LOXL2: variants seen among roughly 807,000 people sequenced by gnomAD.
LOXL2 encodes lysyl oxidase homolog 2.
LOXL2 carries 70 observed loss-of-function variants against 93.0 expected under a neutral mutation model. That is an observed-to-expected ratio of 0.75 (90% CI 0.62 to 0.92). The LOEUF is 0.92. LOXL2 is among the 40% of genes least tolerant of loss of function. The probability of loss-of-function intolerance (pLI) is 0.00; values close to 1 mark genes in which losing one functional copy is unlikely to be tolerated. For synonymous variants in LOXL2, 438 were observed against 413.2 expected, an observed-to-expected ratio of 1.06 and a Z score of -0.73; for missense variants, 973 against 1,054.9, an observed-to-expected ratio of 0.92 and a Z score of 1.08.
chr8:23,305,806 C>CT (rs1258365253), intron 10 of LOXL2, among the ~76,000 whole-genome samples: 2 of 142,742 alleles, frequency 1.4e-5, no homozygotes, highest in Non-Finnish European at 3.1e-5. Context: ...GAGCTCAATG[C>CT]TTTTTTGTTT....
At chr8:23,330,798 G>A (rs1457523805) in intron 5 of LOXL2, among the ~76,000 whole-genome samples, 1 of 150,784 alleles carries the variant, frequency 6.6e-6, no homozygotes, top group Admixed American at 6.6e-5. Context: ...GGCAAGCAGG[G>A]TGTGGTGGGG....
chr8:23,375,427 A>G (rs375748407), intron 1 of LOXL2, among the ~76,000 whole-genome samples: 8 of 152,028 alleles, frequency 5.3e-5, no homozygotes, highest in Admixed American at 3.9e-4. Flanking sequence ...TTGGCAATGC[A>G]GGCTCTTTTT....
At chr8:23,346,161 A>T (rs906108758) in intron 3 of LOXL2, among the ~76,000 whole-genome samples, 1 of 135,460 alleles carries the variant, frequency 7.4e-6, no homozygotes, top group Non-Finnish European at 1.6e-5. Context: ...TAAAATAAAA[A>T]ATAAAATAAA....
rs1362764225 is a variant in LOXL2, at chr8:23,319,937, G to A, written c.1418C>T (p.Ala473Val). 4 of 1,613,876 alleles carry A rather than the reference G, an allele frequency of 2.5e-6. No individual in the cohort carries two copies. In the African/African-American group the frequency reaches 4.0e-5, roughly 16 times the overall value. ...VCGQNWGIVEAMVVCRQLGLG... is the reference protein window; with the variant it reads ...VCGQNWGIVEVMVVCRQLGLG... The stretch of plus-strand genomic sequence containing the variant: ...GCCCAGCTGGCGGCAGACCACCATG[G>A]CCTCCACGATGCCCCAGTTTTGGCC... Residue 473 changes from alanine to valine, a missense_variant, in exon 8 of 14, where the codon GCC (alanine) becomes GTC (valine). By Grantham distance (64) the Ala-to-Val change is moderately conservative (BLOSUM62 0). Transcript: ENST00000389131.
intron 3 of LOXL2, among the ~76,000 whole-genome samples, chr8:23,348,632 C>T (rs2117191316): frequency 6.6e-6 from 1 of 152,178 alleles, no homozygotes; most frequent in East Asian, 1.9e-4. Context: ...AATCCTAGCA[C>T]TTTGGGAGGC....
intron 12 of LOXL2, among the ~76,000 whole-genome samples, chr8:23,300,048 C>T (rs1803103350): frequency 6.6e-6 from 1 of 152,258 alleles, no homozygotes; most frequent in South Asian, 2.1e-4. Context: ...CTAGCTGCCC[C>T]CTCGTTCCTG....
chr8:23,322,145 C>T lies in LOXL2; in HGVS notation c.1287G>A (p.Met429Ile), dbSNP rs1803506706. ...DAGVRCNTPA[M>I]GLQKKLRLNG... The stretch of plus-strand genomic sequence containing the variant: ...GTCCCATCACCTTCTTCTGCAAGCC[C>T]ATGGCAGGGGTGTTGCATCTCACAC... Residue 429 changes from methionine to isoleucine, a missense_variant, in exon 7 of 14, where the codon ATG (methionine) becomes ATA (isoleucine). Transcript: ENST00000389131. 6.2e-7 allele frequency: 1 copy of T among 1,614,176 alleles called. No homozygotes were observed. Among genetic ancestry groups the T allele is most frequent in the African/African-American group, 1.3e-5 (1 of 75,044 alleles).
chr8:23,325,099 A>G (rs150471951), intron 6 of LOXL2, among the ~76,000 whole-genome samples: 2,353 of 152,358 alleles, frequency 0.015, 30 homozygotes, highest in Middle Eastern at 0.027. Context: ...TGTTAAGTGT[A>G]AAATACATAC....
chr8:23,328,307 G>C, intron 6 of LOXL2, 75 bp downstream of exon 6: 1 of 1,512,354 alleles, frequency 6.6e-7, no homozygotes, highest in Non-Finnish European at 9.1e-7. Flanking sequence ...GAGAGCTCAC[G>C]GCCAGCAGCC....
chr8:23,391,527 C>T (rs1039847432), intron 1 of LOXL2, among the ~76,000 whole-genome samples: 5 of 152,092 alleles, frequency 3.3e-5, no homozygotes, highest in African/African-American at 1.2e-4. Context: ...CATCCTCCCC[C>T]ACTACACACA....
At chr8:23,391,553 A>C (rs1804843813) in intron 1 of LOXL2, among the ~76,000 whole-genome samples, 1 of 152,118 alleles carries the variant, frequency 6.6e-6, no homozygotes, top group African/African-American at 2.4e-5. Flanking sequence ...TCTCAGACAC[A>C]CTGTTTCTCA....
At chr8:23,356,337 AATAGCAGGCATTTCTTT>A (rs1334758815) in intron 3 of LOXL2, among the ~76,000 whole-genome samples, 1 of 152,240 alleles carries the variant, frequency 6.6e-6, no homozygotes, top group Middle Eastern at 3.2e-3. Context: ...ACAAAAATTT[AATAGCAGGCATTTCTTT>A]AGCTGGGAGG....
chr8:23,385,727 T>C (rs1443106378), intron 1 of LOXL2: 11 of 569,106 alleles, frequency 1.9e-5, no homozygotes, highest in Admixed American at 3.0e-5. Context: ...GAGCCACATA[T>C]GAAATTTTAA....
intron 3 of LOXL2, among the ~76,000 whole-genome samples, chr8:23,343,502 C>T (rs139665958): frequency 0.028 from 4,259 of 152,322 alleles, 81 homozygotes; most frequent in Middle Eastern, 0.065. Flanking sequence ...AGCACCCCGA[C>T]TGCCCCAGCC....
chr8:23,383,388 A>T (rs1804707099), intron 1 of LOXL2, among the ~76,000 whole-genome samples: 1 of 152,192 alleles, frequency 6.6e-6, no homozygotes, highest in Non-Finnish European at 1.5e-5. Context: ...GCATCGAATC[A>T]GTCATGTTAA....
At chr8:23,322,914 C>T (rs1317620526) in intron 6 of LOXL2, among the ~76,000 whole-genome samples, 3 of 152,222 alleles carry the variant, frequency 2.0e-5, no homozygotes, top group Admixed American at 2.0e-4. Flanking sequence ...CTGGGGGAGG[C>T]AGAACTTACA....
At chr8:23,323,276 C>A (rs1803526100) in intron 6 of LOXL2, among the ~76,000 whole-genome samples, 1 of 152,250 alleles carries the variant, frequency 6.6e-6, no homozygotes, top group Admixed American at 6.5e-5. Context: ...GCCCACAGCT[C>A]ATGGGCACAG....
intron 1 of LOXL2, among the ~76,000 whole-genome samples, chr8:23,385,132 C>A (rs56276869): frequency 3.4e-5 from 5 of 148,654 alleles, no homozygotes; most frequent in South Asian, 2.1e-4. Flanking sequence ...CCACTCCCTG[C>A]GCCCCCGTCC....
chr8:23,298,149 A>G, intron 13 of LOXL2, 27 bp from the exon 14 acceptor site: 1 of 1,589,930 alleles, frequency 6.3e-7, no homozygotes, highest in Non-Finnish European at 8.6e-7. Context: ...GGGTAGAGAG[A>G]GTGGACAAAT....
Sources: allele counts gnomAD v4.1 joint callset (sites outside exome capture counted in the v4.1 genomes callset), GRCh38; gene constraint gnomAD v4.1.1; transcripts MANE v1.5; gene names NCBI Gene and HGNC (gene_info 2026-07-23, HGNC 2026-07-21).